NLK: variants seen among roughly 807,000 people sequenced by gnomAD.
The protein encoded by NLK is serine/threonine-protein kinase NLK.
Under a neutral mutation model 59.0 loss-of-function variants are expected in NLK, and 11 were observed. The ratio of observed to expected loss-of-function variants is 0.19; its 90% CI spans 0.12 to 0.31. NLK has a LOEUF of 0.31. Ranked by LOEUF, NLK falls within the 10% of genes least tolerant of loss-of-function variation. The pLI is 1.00. For synonymous variants in NLK, 235 were observed against 235.9 expected, an observed-to-expected ratio of 1.00 and a Z score of 0.03; for missense variants, 410 against 661.1, an observed-to-expected ratio of 0.62 and a Z score of 4.16.
At chr17:28,064,814 C>CT (rs1413528697) in intron 1 of NLK, among the ~76,000 whole-genome samples, 1 of 152,202 alleles carries the variant, frequency 6.6e-6, no homozygotes, top group Non-Finnish European at 1.5e-5. Flanking sequence ...TGTGTCTCAG[C>CT]TTTCTCTTCT....
chr17:28,089,532 A>G (rs1904406325), intron 1 of NLK, among the ~76,000 whole-genome samples: 1 of 152,084 alleles, frequency 6.6e-6, no homozygotes, highest in Admixed American at 6.6e-5. Flanking sequence ...ATTAGAAACA[A>G]AACTCCTTGG....
chr17:28,199,665 C>CAAAAAAAAAAAAAAAAAAAAAAAAAAAAA (rs1303411168), downstream of NLK, among the ~76,000 whole-genome samples: 1 of 33,576 alleles, frequency 3.0e-5, no homozygotes, highest in African/African-American at 1.1e-4. Context: ...GACTCTGTCT[C>CAAAAAAAAAAAAAAAAAAAAAAAAAAAAA]AAAAAAAAAA....
intron 1 of NLK, among the ~76,000 whole-genome samples, chr17:28,106,383 A>G (rs893808231): frequency 2.6e-5 from 4 of 152,228 alleles, no homozygotes; most frequent in Admixed American, 6.5e-5. Flanking sequence ...ATTGAGGTAT[A>G]TCTTATATAC....
downstream of NLK, among the ~76,000 whole-genome samples, chr17:28,196,974 T>C (rs1909499522): frequency 1.3e-5 from 2 of 152,236 alleles, no homozygotes; most frequent in Admixed American, 1.3e-4. Context: ...GGATTTTTTT[T>C]CCTGACATTG....
intron 5 of NLK, among the ~76,000 whole-genome samples, chr17:28,164,137 A>G (rs902663938): frequency 7.2e-5 from 11 of 152,170 alleles, no homozygotes; most frequent in African/African-American, 2.4e-4. Context: ...TGGGAGGCTG[A>G]GGCGGGCAGA....
rs35639099 is a variant in NLK at position 28,077,073 on chromosome 17, C to CTTTTTTTTTTTTTT, written c.458+33754_458+33767dup. Among the ~76,000 whole-genome samples, 165 of 42,488 alleles carry CTTTTTTTTTTTTTT rather than the reference C, an allele frequency of 3.9e-3. 1 individual carries two copies. Among genetic ancestry groups the CTTTTTTTTTTTTTT allele is most frequent in the East Asian group, 4.5e-3 (5 of 1,114 alleles). 27.9% of individuals were successfully genotyped at this position (42,488 alleles called of 152,430 possible). ...CTTTGCTTTGTACTTCTCTTTCTTT[C>CTTTTTTTTTTTTTT]TTTTTTTTTTTTTTTTTTTTTTTTT... On this transcript the variant is annotated intron_variant, in intron 1 of 10. Coordinates refer to ENST00000407008, the MANE Select transcript of NLK (RefSeq NM_016231.5).
chr17:28,190,872 CCT>C, intron 8 of NLK, 147 bp from the exon 9 acceptor site: 1 of 563,832 alleles, frequency 1.8e-6, no homozygotes, highest in Non-Finnish European at 3.1e-6. Context: ...ATGTTACCCA[CCT>C]CTAAATTCAA....
chr17:28,179,872 GTTT>G (rs34411493), intron 7 of NLK, among the ~76,000 whole-genome samples: 2 of 79,432 alleles, frequency 2.5e-5, no homozygotes, highest in African/African-American at 1.0e-4. Context: ...AGCATTCTTG[GTTT>G]TTTTTTTTTT....
At chr17:28,105,545 T>C (rs547797543) in intron 1 of NLK, among the ~76,000 whole-genome samples, 4 of 152,342 alleles carry the variant, frequency 2.6e-5, no homozygotes, top group Admixed American at 2.6e-4. Flanking sequence ...GGAGAAAATA[T>C]GGATTCTTTT....
chr17:28,045,533 C>A (rs1909021503), intron 1 of NLK, among the ~76,000 whole-genome samples: 1 of 152,062 alleles, frequency 6.6e-6, no homozygotes, highest in Non-Finnish European at 1.5e-5. Flanking sequence ...CCAAGTTTTT[C>A]TAGTTAACTG....
At chr17:28,113,604 C>A (rs1905621397) in intron 1 of NLK, among the ~76,000 whole-genome samples, 2 of 152,162 alleles carry the variant, frequency 1.3e-5, no homozygotes, top group Non-Finnish European at 2.9e-5. Flanking sequence ...TTCCAGAGGT[C>A]ACTCTCATCA....
intron 1 of NLK, among the ~76,000 whole-genome samples, chr17:28,050,339 G>A (rs1019721001): frequency 1.3e-5 from 2 of 152,172 alleles, no homozygotes; most frequent in Admixed American, 1.3e-4. Context: ...AGTGCAGTGG[G>A]TGGTAGGAAG....
At chr17:28,070,965 A>G (rs545316164) in intron 1 of NLK, among the ~76,000 whole-genome samples, 1 of 152,276 alleles carries the variant, frequency 6.6e-6, no homozygotes, top group Non-Finnish European at 1.5e-5. Context: ...CTGTCTTTAT[A>G]TACTGTAGCT....
At chr17:28,143,562 A>G (rs1301289107) in intron 3 of NLK, among the ~76,000 whole-genome samples, 1 of 152,220 alleles carries the variant, frequency 6.6e-6, no homozygotes, top group African/African-American at 2.4e-5. Flanking sequence ...GTCCATATTC[A>G]TTCTGTAGGA....
chr17:28,184,108 A>G (rs1322395490), intron 7 of NLK, among the ~76,000 whole-genome samples: 1 of 152,186 alleles, frequency 6.6e-6, no homozygotes, highest in Non-Finnish European at 1.5e-5. Flanking sequence ...CCATGTGGAT[A>G]TGCCTACCAC....
Position 28,133,656 on chromosome 17 carries a change from A to G in NLK, c.644+981A>G, listed in dbSNP as rs182898262. ...GTTTCCATTCCACATTTAACTTGGTAAAGCTTTAAATAAAAGACAGGAAAT... is the reference window on the plus strand; with the variant it reads ...GTTTCCATTCCACATTTAACTTGGTGAAGCTTTAAATAAAAGACAGGAAAT... On this transcript the variant is annotated intron_variant, in intron 3 of 10. Coordinates refer to ENST00000407008, the MANE Select transcript of NLK (RefSeq NM_016231.5). 9.3e-4 allele frequency among the ~76,000 whole-genome samples: 141 copies of G among 152,328 alleles called. 1 individual carries two copies. The highest frequency in any genetic ancestry group is 3.3e-3 in the African/African-American group (136 of 41,578).
intron 8 of NLK, 121 bp from the exon 9 acceptor site, chr17:28,190,900 C>T (rs148703294): frequency 5.7e-4 from 373 of 649,532 alleles, no homozygotes; most frequent in Non-Finnish European, 8.9e-4. Flanking sequence ...CCTCTTTGGA[C>T]GGGATGTACT....
chr17:28,132,732 T>C (rs979559232), intron 3 of NLK, 57 bp downstream of exon 3: 1 of 1,416,914 alleles, frequency 7.1e-7, no homozygotes, highest in Non-Finnish European at 9.8e-7. Context: ...AATTTGTTCT[T>C]CTAGCACCTT....
intron 7 of NLK, among the ~76,000 whole-genome samples, chr17:28,175,959 A>G (rs1325725915): frequency 6.6e-6 from 1 of 152,248 alleles, no homozygotes; most frequent in Non-Finnish European, 1.5e-5. Context: ...TGATGCAGAA[A>G]AGGCATTTGA....
Sources: allele counts gnomAD v4.1 joint callset (sites outside exome capture counted in the v4.1 genomes callset), GRCh38; gene constraint gnomAD v4.1.1; transcripts MANE v1.5; gene names NCBI Gene and HGNC (gene_info 2026-07-23, HGNC 2026-07-21).